Variants in ZNF250 observed in about 807,000 individuals in gnomAD.
The protein encoded by ZNF250 is zinc finger protein (clone 647).
A neutral mutation model predicts 37.1 loss-of-function variants in ZNF250; 13 were observed. That is an observed-to-expected ratio of 0.35 (90% CI 0.23 to 0.56). ZNF250 has a LOEUF of 0.56. Among genes scored for constraint, ZNF250 ranks in the 20% least tolerant of loss-of-function variants. ZNF250 has a pLI of 0.87. For synonymous variants in ZNF250, 251 were observed against 265.6 expected (o/e 0.94, Z 0.54); for missense variants, 474 against 697.9 (o/e 0.68, Z 3.61).
At chr8:144,893,623 G>A (rs762091254) in intron 1 of ZNF250, among the ~76,000 whole-genome samples, 9 of 152,122 alleles carry the variant, frequency 5.9e-5, no homozygotes, top group East Asian at 3.9e-4. Flanking sequence ...GAGTCACTGC[G>A]CCTAGCCCTG....
chr8:144,889,902 T>C, intron 3 of ZNF250, 31 bp downstream of exon 3: 1 of 1,574,532 alleles, frequency 6.4e-7, no homozygotes, highest in Non-Finnish European at 8.6e-7. Context: ...AATACGCAGA[T>C]ACATAGACGA....
At position 144,890,440 on chromosome 8, in the gene ZNF250, T is replaced by C. The variant is rs1832252146; in HGVS notation, c.-54-37A>G. ...GAGGGGGCAAGTGAGGGGCATGGCC[T>C]TGAGACCGTAACTTCCTAGGGGGCC... On this transcript the variant is annotated intron_variant, in intron 1 of 5. Transcript: ENST00000417550. This position sits in a 1 kb window ranked among gnomAD's most constrained non-coding sequence, Gnocchi z 5.1. 1 of 1,310,200 alleles carries C rather than the reference T, an allele frequency of 7.6e-7. No homozygotes were observed. 81.2% of individuals were successfully genotyped at this position (1,310,200 alleles called of 1,614,324 possible).
chr8:144,880,312 T>A lies in ZNF250; in HGVS notation c.*1203A>T. On this transcript the variant is annotated 3_prime_UTR_variant, in exon 6 of 6. Transcript: ENST00000417550. ...TTTAAATATATCTACCAAAGAACAG[T>A]ATTTTCAGCATTGTTTTGGGGGAAA... 2.5e-6 allele frequency: 1 copy of A among 395,452 alleles called. No individual in the cohort carries two copies. The allele number at this position is 395,452 out of a possible 1,614,324, so 24.5% of individuals were successfully genotyped here. A position where few individuals can be genotyped will look rare whatever the true frequency, so the allele number is the denominator to read the frequency against.
chr8:144,898,007 G>A (rs1219748802), intron 1 of ZNF250, among the ~76,000 whole-genome samples: 1 of 152,140 alleles, frequency 6.6e-6, no homozygotes, highest in Non-Finnish European at 1.5e-5. Context: ...AACATTTCAC[G>A]GTGCTACAGA....
rs1443050648 is a variant in ZNF250, at chr8:144,897,677, C to T, written c.-55+3722G>A. On this transcript the variant is annotated intron_variant, in intron 1 of 5. Transcript: ENST00000417550. The surrounding 1 kb of genome is among the most constrained non-coding windows in gnomAD (Gnocchi z 5.2). ...GGGAAATCAGGGGTCTCACAGCCTT[C>T]AGAGCTGAGAGCCCTGAACAGAGAT... 1.3e-5 allele frequency among the ~76,000 whole-genome samples: 2 copies of T among 152,172 alleles called. No homozygotes were observed. Among genetic ancestry groups the T allele is most frequent in the Non-Finnish European group, 2.9e-5 (2 of 68,038 alleles).
Position 144,881,674 on chromosome 8 carries a change from C to T in ZNF250, c.1509G>A (p.Glu503=), listed in dbSNP as rs144768772. The T allele has an allele frequency of 4.2e-5, 68 of 1,613,606 alleles. No individual in the cohort carries two copies. The highest frequency in any genetic ancestry group is 4.0e-4 in the South Asian group (36 of 91,050). Residue 503 remains glutamate, a synonymous_variant, in exon 6 of 6, where the codon GAG becomes GAA. Transcript: ENST00000417550. ...LRTHTGEKPY[E]CNSCGKAFSQ... is the part of the protein sequence containing the mutation. ...TGAAGGCCTTCCCGCAGCTATTGCA[C>T]TCATATGGCTTCTCGCCCGTGTGGG...
upstream of ZNF250, chr8:144,901,467 G>A: frequency 6.6e-6 from 1 of 152,470 alleles, no homozygotes; most frequent in Non-Finnish European, 1.5e-5. This position sits in a 1 kb window ranked among gnomAD's most constrained non-coding sequence, Gnocchi z 5.4. Context: ...GGGCTGCCCC[G>A]CCCCGTCTGC....
Position 144,893,275 on chromosome 8 carries a change from C to T in ZNF250, c.-54-2872G>A, listed in dbSNP as rs149126854. ...CTGCCTACCCTCAAGGGCAGAAGTGCCTTCTCTCCTGCCACACCCTGACCC... is the reference window on the plus strand; with the variant it reads ...CTGCCTACCCTCAAGGGCAGAAGTGTCTTCTCTCCTGCCACACCCTGACCC... On this transcript the variant is annotated intron_variant, in intron 1 of 5. Transcript: ENST00000417550. Among the ~76,000 whole-genome samples the T allele has an allele frequency of 1.4e-3, 216 of 152,284 alleles. 1 individual carries two copies. Among genetic ancestry groups the T allele is most frequent in the African/African-American group, 4.7e-3 (197 of 41,556 alleles).
rs897244250 is a variant in ZNF250 at position 144,891,365 on chromosome 8, A to G, written c.-54-962T>C. Among the ~76,000 whole-genome samples the G allele has an allele frequency of 2.0e-5, 3 of 152,252 alleles. No individual in the cohort carries two copies. Among genetic ancestry groups the G allele is most frequent in the Admixed American group, 1.3e-4 (2 of 15,288 alleles). ...AACAGGGTGCTTTAAGAGTGACAAA[A>G]TAGGTGTCAGGGCTGGGGGCAGAAG... is the stretch of plus-strand genomic sequence containing the variant. On this transcript the variant is annotated intron_variant, in intron 1 of 5. Transcript: ENST00000417550. This position sits in a 1 kb window ranked among gnomAD's most constrained non-coding sequence, Gnocchi z 4.0.
chr8:144,900,316 C>T lies in ZNF250; in HGVS notation c.-55+1083G>A, dbSNP rs2979078. Among the ~76,000 whole-genome samples the T allele has an allele frequency of 9.7e-3, 1,477 of 152,144 alleles. 26 individuals are homozygous for T. The highest frequency in any genetic ancestry group is 0.034 in the African/African-American group (1,407 of 41,490). ...GACAAGTTACGAACTGAAAAATCTG[C>T]GAGTACCCACCCGGCGGAGGACGAG... On this transcript the variant is annotated intron_variant, in intron 1 of 5. Transcript: ENST00000417550.
intron 5 of ZNF250, among the ~76,000 whole-genome samples, chr8:144,886,046 G>A (rs1327949114): frequency 7.9e-5 from 12 of 150,998 alleles, no homozygotes; most frequent in Admixed American, 6.6e-4. Flanking sequence ...CTGGTGAGCC[G>A]TGATTATGCC....
At chr8:144,900,834 G>A (rs528448225) in intron 1 of ZNF250, among the ~76,000 whole-genome samples, 1 of 152,320 alleles carries the variant, frequency 6.6e-6, no homozygotes, top group South Asian at 2.1e-4. Context: ...GGGCTCCTCA[G>A]GATGTGCATC....
Position 144,881,979 on chromosome 8 carries a change from G to A in ZNF250, c.1204C>T (p.Arg402Cys). 9 of 1,613,596 alleles carry A rather than the reference G, an allele frequency of 5.6e-6. No homozygotes were observed. The highest frequency in any genetic ancestry group is 1.1e-5 in the South Asian group (1 of 91,054). The change falls in exon 6 of 6, where the codon CGC becomes TGC. Residue 402 changes from arginine to cysteine, a missense_variant. Physicochemically the swap from Arg to Cys is radical, Grantham distance 180. This residue lies in a region of ZNF250 where 282 missense variants were observed against 470.4 expected (regional missense o/e 0.60). Transcript: ENST00000417550. Reference protein sequence around the residue: ...CSECGKTFSHRSTLMNHERIH... With the variant: ...CSECGKTFSHCSTLMNHERIH... ...CGCTCGTGATTCATCAGTGTGGAGC[G>A]GTGGCTGAAGGTCTTCCCACACTCA...
At position 144,890,085 on chromosome 8, in the gene ZNF250, TA is replaced by T; in HGVS notation, c.43-27del. ...CTGGAACGACAGGGGCTGCTGCAGGTAAAACCAAATCCTGATGTCTGTGATG... is the reference window on the plus strand; with the variant it reads ...CTGGAACGACAGGGGCTGCTGCAGGTAAACCAAATCCTGATGTCTGTGATG... On this transcript the variant is annotated intron_variant, in intron 2 of 5. Transcript: ENST00000417550. The surrounding 1 kb of genome is among the most constrained non-coding windows in gnomAD (Gnocchi z 5.1). The T allele has an allele frequency of 1.2e-6, 2 of 1,606,162 alleles. No individual in the cohort carries two copies. Among genetic ancestry groups the T allele is most frequent in the South Asian group, 2.2e-5 (2 of 89,744 alleles).
At position 144,880,442 on chromosome 8, in the gene ZNF250, T is replaced by C; in HGVS notation, c.*1073A>G. The C allele has an allele frequency of 2.2e-6, 1 of 456,818 alleles. No homozygotes were observed. The highest frequency in any genetic ancestry group is 4.4e-6 in the Non-Finnish European group (1 of 226,998). 28.3% of individuals were successfully genotyped at this position (456,818 alleles called of 1,614,324 possible). On this transcript the variant is annotated 3_prime_UTR_variant, in exon 6 of 6. Transcript: ENST00000417550. ...GCATGGGAATTGAGACATCTCACGG[T>C]TTCTGGGGCACAGGATCTGCAGGTC...
In ZNF250 at chr8:144,890,397, T is replaced by C; in HGVS notation, c.-48A>G. ...GAGGATCACGGAAATTGAAGGAGCC[T>C]ATGGGGCTGAGGAAGAGGAGGGGGC... On this transcript the variant is annotated 5_prime_UTR_variant, in exon 2 of 6. In the 5' UTR this introduces an upstream ATG that the reference lacks. Transcript: ENST00000417550. The surrounding 1 kb of genome is among the most constrained non-coding windows in gnomAD (Gnocchi z 5.1). 5 of 1,442,294 alleles carry C rather than the reference T, an allele frequency of 3.5e-6. No individual in the cohort carries two copies. Among genetic ancestry groups the C allele is most frequent in the Non-Finnish European group, 4.6e-6 (5 of 1,093,742 alleles). 89.3% of individuals were successfully genotyped at this position (1,442,294 alleles called of 1,614,324 possible).
intron 1 of ZNF250, among the ~76,000 whole-genome samples, chr8:144,893,951 G>C (rs1832532508): frequency 6.6e-6 from 1 of 152,182 alleles, no homozygotes; most frequent in Non-Finnish European, 1.5e-5. Context: ...GCTGCTGCTA[G>C]GCATGGTTGT....
At position 144,891,548 on chromosome 8, in the gene ZNF250, T is replaced by G. The variant is rs985696578; in HGVS notation, c.-54-1145A>C. Among the ~76,000 whole-genome samples the G allele has an allele frequency of 2.2e-4, 34 of 151,908 alleles. No homozygotes were observed. Among genetic ancestry groups the G allele is most frequent in the Admixed American group, 2.2e-3 (34 of 15,250 alleles). Reference sequence around the variant, plus strand: ...CTGGCCAACATGGTGAAACCCCGTCTCTACTAAAAATACAAAAATCAGGCC... The same window carrying G: ...CTGGCCAACATGGTGAAACCCCGTCGCTACTAAAAATACAAAAATCAGGCC... On this transcript the variant is annotated intron_variant, in intron 1 of 5. Transcript: ENST00000417550. This position sits in a 1 kb window ranked among gnomAD's most constrained non-coding sequence, Gnocchi z 4.0.
Position 144,891,499 on chromosome 8 carries a change from G to A in ZNF250, c.-54-1096C>T, listed in dbSNP as rs2735904. Among the ~76,000 whole-genome samples the A allele has an allele frequency of 2.6e-5, 4 of 151,830 alleles. No homozygotes were observed. Among genetic ancestry groups the A allele is most frequent in the Admixed American group, 2.0e-4 (3 of 15,240 alleles). ...GGGAGGGTGAGGCAGGCACATCACC[G>A]GAGGTCAGGAGTTTGAGACCAGCCT... On this transcript the variant is annotated intron_variant, in intron 1 of 5. Transcript: ENST00000417550. The surrounding 1 kb of genome is among the most constrained non-coding windows in gnomAD (Gnocchi z 4.0).
Sources: allele counts gnomAD v4.1 joint callset (sites outside exome capture counted in the v4.1 genomes callset), GRCh38; gene constraint gnomAD v4.1.1; regional missense constraint gnomAD v4.1.1; non-coding constraint Gnocchi (gnomAD v3.1); transcripts MANE v1.5; gene names NCBI Gene and HGNC (gene_info 2026-07-23, HGNC 2026-07-21).